Variants in L3MBTL4 observed in about 807,000 individuals in gnomAD.
L3MBTL4 encodes the protein L3MBTL histone methyl-lysine binding protein 4, also known as lethal(3)malignant brain tumor-like protein 4.
A neutral mutation model predicts 84.5 loss-of-function variants in L3MBTL4; 70 were observed. The observed-to-expected ratio is 0.83, with a 90% CI of 0.68 to 1.01. The LOEUF is 1.01. Ranked by LOEUF, L3MBTL4 falls within the 50% of genes least tolerant of loss-of-function variation. The pLI, the probability that L3MBTL4 is intolerant of heterozygous loss-of-function variation, is 0.00. For synonymous variants in L3MBTL4, 274 were observed against 259.8 expected (o/e 1.05, Z -0.52); for missense variants, 715 against 754.8 (o/e 0.95, Z 0.62).
chr18:6,124,626 G>T (rs979903343), intron 14 of L3MBTL4, among the ~76,000 whole-genome samples: 1 of 152,016 alleles, frequency 6.6e-6, no homozygotes, highest in East Asian at 1.9e-4. Flanking sequence ...CCATCAAATT[G>T]CTTTCAAGGG....
chr18:6,222,420 C>G (rs1332994056), intron 10 of L3MBTL4, among the ~76,000 whole-genome samples: 3 of 152,166 alleles, frequency 2.0e-5, no homozygotes, highest in Non-Finnish European at 1.5e-5. Context: ...TCTTTTGTGT[C>G]TGGCGAGATC....
At chr18:6,030,366 T>A (rs2055729165) in intron 16 of L3MBTL4, 2 of 985,256 alleles carry the variant, frequency 2.0e-6, no homozygotes, top group Non-Finnish European at 2.4e-6. Context: ...AATCCTAGTC[T>A]GGGAGAATTA....
chr18:6,290,776 T>C (rs60517421), intron 4 of L3MBTL4, among the ~76,000 whole-genome samples: 28,712 of 151,906 alleles, frequency 0.19, 2,850 homozygotes, highest in African/African-American at 0.24. Flanking sequence ...GATCCACCCG[T>C]CTCGGCCTCC....
chr18:6,018,338 G>C (rs1430689003), intron 16 of L3MBTL4, among the ~76,000 whole-genome samples: 2 of 152,126 alleles, frequency 1.3e-5, no homozygotes, highest in African/African-American at 4.8e-5. Context: ...GTCTCAGGTG[G>C]GGCTTGAGCA....
chr18:6,331,443 C>T (rs965481935), intron 1 of L3MBTL4, among the ~76,000 whole-genome samples: 1 of 152,020 alleles, frequency 6.6e-6, no homozygotes, highest in Non-Finnish European at 1.5e-5. Flanking sequence ...ATAGCAATAC[C>T]TCAACAACCT....
intron 10 of L3MBTL4, among the ~76,000 whole-genome samples, chr18:6,226,527 T>C (rs1220217206): frequency 6.6e-6 from 1 of 152,142 alleles, no homozygotes; most frequent in Non-Finnish European, 1.5e-5. Flanking sequence ...TTTTACTTCA[T>C]GTTTTCCTTA....
chr18:6,333,925 G>C (rs2143256183), intron 1 of L3MBTL4, among the ~76,000 whole-genome samples: 1 of 152,246 alleles, frequency 6.6e-6, no homozygotes, highest in Middle Eastern at 3.4e-3. Context: ...TGTACTATCT[G>C]TGTTCTAGCC....
chr18:5,999,088 T>C (rs1161486569), intron 16 of L3MBTL4, among the ~76,000 whole-genome samples: 1 of 152,194 alleles, frequency 6.6e-6, no homozygotes, highest in Admixed American at 6.5e-5. Flanking sequence ...CAGTCCCACC[T>C]ACTGCCTCAC....
At chr18:6,007,452 GT>G (rs757224037) in intron 16 of L3MBTL4, among the ~76,000 whole-genome samples, 2 of 152,068 alleles carry the variant, frequency 1.3e-5, no homozygotes, top group East Asian at 3.8e-4. Flanking sequence ...AAATTCAAAT[GT>G]TTGATAACAT....
chr18:6,338,531 A>C (rs2052453103), intron 1 of L3MBTL4, among the ~76,000 whole-genome samples: 1 of 152,092 alleles, frequency 6.6e-6, no homozygotes, highest in Non-Finnish European at 1.5e-5. Flanking sequence ...GAAAGGATAG[A>C]GATTTCTAAT....
At chr18:6,228,576 A>G (rs948890524) in intron 10 of L3MBTL4, among the ~76,000 whole-genome samples, 2 of 152,222 alleles carry the variant, frequency 1.3e-5, no homozygotes, top group African/African-American at 4.8e-5. Flanking sequence ...AAAATGGACA[A>G]AAGATTTGAA....
intron 13 of L3MBTL4, among the ~76,000 whole-genome samples, chr18:6,139,664 C>A (rs969321973): frequency 6.6e-6 from 1 of 152,114 alleles, no homozygotes; most frequent in African/African-American, 2.4e-5. Flanking sequence ...TCCTGTTCAA[C>A]AAATTCCCTA....
At position 6,092,414 on chromosome 18, in the gene L3MBTL4, GCA is replaced by G. The variant is rs2058489635; in HGVS notation, c.1373+939_1373+940del. Among the ~76,000 whole-genome samples, 18 of 152,346 alleles carry G rather than the reference GCA, an allele frequency of 1.2e-4. No individual in the cohort carries two copies. The South Asian group carries it at 3.5e-3, about 30-fold the overall frequency. ...TGGCAGTGATTTCAGTGGAAACTCT[GCA>G]CACACAGAGAGGCCTATGTGTCTTT... On this transcript the variant is annotated intron_variant, in intron 15 of 18. Coordinates refer to ENST00000317931, the MANE Select transcript of L3MBTL4 (RefSeq NM_001330559.2).
rs190606762 is a variant in L3MBTL4 at position 6,233,899 on chromosome 18, C to G, written c.784+4065G>C. Among the ~76,000 whole-genome samples, 105 of 152,216 alleles carry G rather than the reference C, an allele frequency of 6.9e-4. 1 individual carries two copies. In the East Asian group the frequency reaches 0.018, roughly 26 times the overall value. On this transcript the variant is annotated intron_variant, in intron 10 of 18. Transcript: ENST00000317931. ...AAAGAACAAAGCTGGAGGCATCACA[C>G]TACCTGACTTCAAACTATACTACAA...
Position 6,319,736 on chromosome 18 carries a change from C to T in L3MBTL4, c.-90-7680G>A, listed in dbSNP as rs555532114. 8.8e-4 allele frequency among the ~76,000 whole-genome samples: 134 copies of T among 152,196 alleles called. 3 individuals carry two copies. The highest frequency in any genetic ancestry group is 7.4e-4 in the Non-Finnish European group (50 of 67,942). On this transcript the variant is annotated intron_variant, in intron 1 of 18. Transcript: ENST00000317931. ...TGGTGCCAGTCCTTCTGAAACTATT[C>T]TGAAAGACTGAGAAAGAGGAAATCC...
intron 16 of L3MBTL4, chr18:6,030,686 T>C: frequency 3.1e-6 from 3 of 964,062 alleles, no homozygotes; most frequent in Non-Finnish European, 3.7e-6. Flanking sequence ...ATAAAAAAAT[T>C]TGTTTCAATT....
intron 16 of L3MBTL4, chr18:6,030,494 A>G: frequency 1.0e-6 from 1 of 966,130 alleles, no homozygotes; most frequent in Non-Finnish European, 1.2e-6. Context: ...ATTTTAATGA[A>G]GAGACTCTTT....
intron 5 of L3MBTL4, among the ~76,000 whole-genome samples, chr18:6,247,341 A>T (rs1194818212): frequency 6.6e-6 from 1 of 151,998 alleles, no homozygotes; most frequent in Non-Finnish European, 1.5e-5. Context: ...GAGCCAGTCT[A>T]GGGTCGGATG....
At chr18:5,960,283 A>G (rs530045242) in intron 17 of L3MBTL4, 127 bp from the exon 18 acceptor site, 2 of 394,706 alleles carry the variant, frequency 5.1e-6, no homozygotes, top group East Asian at 4.6e-5. Context: ...AATAGTAACT[A>G]TCAAGTTGCA....
Sources: gnomAD v4.1 joint callset for allele counts (sites outside exome capture counted in the v4.1 genomes callset) on GRCh38, gnomAD v4.1.1 for gene constraint, MANE v1.5 for transcripts, NCBI Gene and HGNC (gene_info 2026-07-23, HGNC 2026-07-21) for gene names.